CLSTN2: variants seen among roughly 807,000 people sequenced by gnomAD.
CLSTN2 encodes the protein calsyntenin 2.
CLSTN2 carries 48 observed loss-of-function variants against 101.2 expected under a neutral mutation model. That is an observed-to-expected ratio of 0.47 (90% CI 0.38 to 0.60). The LOEUF (loss-of-function observed/expected upper bound fraction) is 0.60, where lower values mean the gene tolerates loss of function less well. Ranked by LOEUF, CLSTN2 falls within the 20% of genes least tolerant of loss-of-function variation. CLSTN2 has a pLI of 0.00. For synonymous variants in CLSTN2, 481 were observed against 463.6 expected, an observed-to-expected ratio of 1.04 and a Z score of -0.48; for missense variants, 1,160 against 1,238.2, an observed-to-expected ratio of 0.94 and a Z score of 0.95.
chr3:139,955,821 G>A (rs993668534), intron 1 of CLSTN2, among the ~76,000 whole-genome samples: 31 of 152,168 alleles, frequency 2.0e-4, no homozygotes, highest in African/African-American at 7.2e-4. Context: ...CGTTTCTTGG[G>A]GAATCACAGC....
intron 2 of CLSTN2, among the ~76,000 whole-genome samples, chr3:140,197,041 C>T (rs1054700789): frequency 5.3e-5 from 8 of 152,158 alleles, no homozygotes; most frequent in African/African-American, 1.7e-4. Flanking sequence ...GATAAGGAAG[C>T]TTAAAGACAT....
intron 8 of CLSTN2, among the ~76,000 whole-genome samples, chr3:140,526,010 C>T (rs766180713): frequency 6.6e-6 from 1 of 152,086 alleles, no homozygotes; most frequent in Non-Finnish European, 1.5e-5. Context: ...CCCTTGAGAA[C>T]TAGAACAAGA....
chr3:140,119,296 G>A (rs560976426), intron 1 of CLSTN2, among the ~76,000 whole-genome samples: 8 of 152,314 alleles, frequency 5.3e-5, no homozygotes, highest in Non-Finnish European at 7.3e-5. Context: ...ATGAGCTCCC[G>A]TTGTCTATAG....
intron 1 of CLSTN2, among the ~76,000 whole-genome samples, chr3:140,046,794 G>A (rs9878201): frequency 0.11 from 17,385 of 151,980 alleles, 1,093 homozygotes; most frequent in Non-Finnish European, 0.14. Context: ...GACAGCTTTG[G>A]TTTCATCTTC....
chr3:140,474,781 T>C (rs962773568), intron 8 of CLSTN2, among the ~76,000 whole-genome samples: 1 of 152,136 alleles, frequency 6.6e-6, no homozygotes, highest in Non-Finnish European at 1.5e-5. Context: ...CAGGGCCTTT[T>C]CCAAGGCTGC....
rs1405430854 is a variant in CLSTN2, at chr3:140,570,883, T to C, written c.*4630T>C. The C allele has an allele frequency of 6.6e-6, 1 of 152,204 alleles. No individual in the cohort carries two copies. 9.4% of individuals were successfully genotyped at this position (152,204 alleles called of 1,614,324 possible). A position where few individuals can be genotyped will look rare whatever the true frequency, so the allele number is the denominator to read the frequency against. On this transcript the variant is annotated 3_prime_UTR_variant, in exon 17 of 17. Coordinates refer to ENST00000458420, the MANE Select transcript of CLSTN2 (RefSeq NM_022131.3). ...CTGCTCTCATAAGCCTCTCACCAACTACCCAGTAGTCTTTGCCTCCAAACT... is the reference window on the plus strand; with the variant it reads ...CTGCTCTCATAAGCCTCTCACCAACCACCCAGTAGTCTTTGCCTCCAAACT...
At chr3:140,364,011 C>T (rs1429604933) in intron 2 of CLSTN2, among the ~76,000 whole-genome samples, 1 of 152,234 alleles carries the variant, frequency 6.6e-6, no homozygotes, top group African/African-American at 2.4e-5. Flanking sequence ...GTGGCCAGCA[C>T]ACACTCCCTG....
chr3:140,293,879 C>T (rs2086977605), intron 2 of CLSTN2, among the ~76,000 whole-genome samples: 6 of 152,164 alleles, frequency 3.9e-5, no homozygotes, highest in Admixed American at 3.9e-4. Flanking sequence ...CTTTCTATTC[C>T]ATCCTCCTTC....
chr3:140,122,710 T>C (rs76768966), intron 1 of CLSTN2, among the ~76,000 whole-genome samples: 2 of 152,164 alleles, frequency 1.3e-5, no homozygotes, highest in Admixed American at 6.5e-5. Flanking sequence ...CCCCAAGTGA[T>C]GGGCCTGCCT....
chr3:140,183,273 C>T (rs544446127), intron 2 of CLSTN2, among the ~76,000 whole-genome samples: 1 of 152,240 alleles, frequency 6.6e-6, no homozygotes, highest in South Asian at 2.1e-4. Flanking sequence ...AAAGGGGACA[C>T]CCAGGGAGAC....
At chr3:140,206,911 C>T (rs1182304644) in intron 2 of CLSTN2, among the ~76,000 whole-genome samples, 1 of 152,188 alleles carries the variant, frequency 6.6e-6, no homozygotes, top group Non-Finnish European at 1.5e-5. Context: ...TGGCCACCTG[C>T]CTGAGCTGGG....
intron 1 of CLSTN2, among the ~76,000 whole-genome samples, chr3:140,028,078 G>T (rs944278642): frequency 2.0e-5 from 3 of 152,332 alleles, no homozygotes; most frequent in African/African-American, 7.2e-5. Context: ...TCAGGGAAAA[G>T]GTAGTTGCTG....
intron 1 of CLSTN2, among the ~76,000 whole-genome samples, chr3:140,096,730 G>C (rs1169233363): frequency 6.6e-6 from 1 of 152,196 alleles, no homozygotes; most frequent in Non-Finnish European, 1.5e-5. Flanking sequence ...GTTGCCCCAG[G>C]CTCCTGATTC....
chr3:140,275,237 T>C (rs1285015412), intron 2 of CLSTN2, among the ~76,000 whole-genome samples: 4 of 151,076 alleles, frequency 2.6e-5, no homozygotes, highest in Non-Finnish European at 4.4e-5. Context: ...CTCTTTTCCC[T>C]GTCCCAAAAA....
At chr3:139,966,517 C>T (rs1935601064) in intron 1 of CLSTN2, among the ~76,000 whole-genome samples, 2 of 152,138 alleles carry the variant, frequency 1.3e-5, no homozygotes, top group Non-Finnish European at 2.9e-5. Flanking sequence ...ATTTGCCTGC[C>T]AATCCTTATT....
intron 1 of CLSTN2, among the ~76,000 whole-genome samples, chr3:139,999,219 G>A (rs1284035511): frequency 1.3e-5 from 2 of 152,200 alleles, no homozygotes; most frequent in African/African-American, 2.4e-5. Context: ...ACATGAGCAA[G>A]TTTGTTACAT....
At chr3:140,113,295 A>G (rs1347728250) in intron 1 of CLSTN2, among the ~76,000 whole-genome samples, 1 of 152,170 alleles carries the variant, frequency 6.6e-6, no homozygotes, top group African/African-American at 2.4e-5. Flanking sequence ...TGCTCCCCAA[A>G]GGTCTGCAGA....
At chr3:140,250,058 G>T (rs1297397892) in intron 2 of CLSTN2, among the ~76,000 whole-genome samples, 1 of 152,108 alleles carries the variant, frequency 6.6e-6, no homozygotes, top group Non-Finnish European at 1.5e-5. Context: ...AGAGATACTT[G>T]CCTAATTTTT....
chr3:140,187,266 G>A (rs1233334794), intron 2 of CLSTN2, among the ~76,000 whole-genome samples: 1 of 152,102 alleles, frequency 6.6e-6, no homozygotes, highest in Admixed American at 6.5e-5. Context: ...GTAGCAGGCT[G>A]GCCATACCAC....
Sources: allele counts gnomAD v4.1 joint callset (sites outside exome capture counted in the v4.1 genomes callset), GRCh38; gene constraint gnomAD v4.1.1; transcripts MANE v1.5; gene names NCBI Gene and HGNC (gene_info 2026-07-23, HGNC 2026-07-21).